RPS6KC1: variants seen among roughly 807,000 people sequenced by gnomAD.
The protein encoded by RPS6KC1 is inactive ribosomal protein S6 kinase delta-1.
A neutral mutation model predicts 103.8 loss-of-function variants in RPS6KC1; 54 were observed. The ratio of observed to expected loss-of-function variants is 0.52; its 90% CI spans 0.42 to 0.65. The LOEUF is 0.65. Among genes scored for constraint, RPS6KC1 ranks in the 30% least tolerant of loss-of-function variants. The pLI is 0.00. For synonymous variants in RPS6KC1, 439 were observed against 438.7 expected (o/e 1.00, Z -0.01); for missense variants, 1,151 against 1,253.8 (o/e 0.92, Z 1.24).
the RPS6KC1 span, among the ~76,000 whole-genome samples, chr1:213,690,318 G>A: frequency 1.3e-5 from 2 of 152,146 alleles, no homozygotes; most frequent in African/African-American, 2.4e-5. Context: ...TCTACCTAGC[G>A]GGCCATTTTC....
chr1:213,391,138 T>A, the RPS6KC1 span, among the ~76,000 whole-genome samples: 9 of 152,236 alleles, frequency 5.9e-5, no homozygotes, highest in African/African-American at 2.2e-4. Context: ...CTGTTTGCAG[T>A]CTAGGAGTAA....
chr1:213,098,348 C>G (rs890549160), intron 3 of RPS6KC1, among the ~76,000 whole-genome samples: 33 of 140,654 alleles, frequency 2.3e-4, no homozygotes, highest in African/African-American at 6.7e-4. Context: ...CACCATGTTA[C>G]TTAGGCTGGT....
chr1:213,585,634 G>A, the RPS6KC1 span, among the ~76,000 whole-genome samples: 27 of 152,134 alleles, frequency 1.8e-4, no homozygotes, highest in African/African-American at 6.3e-4. Context: ...TCCCAGCTCT[G>A]CCTCAATCCC....
chr1:213,158,682 T>C (rs2090165856), intron 6 of RPS6KC1, among the ~76,000 whole-genome samples: 1 of 152,154 alleles, frequency 6.6e-6, no homozygotes, highest in Admixed American at 6.5e-5. Flanking sequence ...TTTTTTAAAC[T>C]TTTTTTGAAA....
chr1:213,318,229 G>A, the RPS6KC1 span, among the ~76,000 whole-genome samples: 4 of 152,220 alleles, frequency 2.6e-5, no homozygotes, highest in Admixed American at 2.6e-4. Flanking sequence ...CCCCTGGATT[G>A]TTTTATCTTA....
intron 9 of RPS6KC1, 131 bp from the exon 10 acceptor site, chr1:213,231,992 A>C: frequency 9.0e-7 from 1 of 1,114,144 alleles, no homozygotes; most frequent in Non-Finnish European, 1.3e-6. Flanking sequence ...AGAGCAGCAG[A>C]TGAGTGGTTT....
chr1:213,732,559 T>C, the RPS6KC1 span, among the ~76,000 whole-genome samples: 437 of 152,266 alleles, frequency 2.9e-3, 3 homozygotes, highest in Non-Finnish European at 4.2e-3. Flanking sequence ...ATTTGACAAA[T>C]TAATTAACTT....
At chr1:213,428,519 T>TTCCTTCCTTCCTTCCTTCCTTC in the RPS6KC1 span, among the ~76,000 whole-genome samples, 1 of 51,578 alleles carries the variant, frequency 1.9e-5, no homozygotes, top group Admixed American at 2.7e-4. Context: ...CCTTCCTTCC[T>TTCCTTCCTTCCTTCCTTCCTTC]CTTTCTCTCT....
intron 9 of RPS6KC1, among the ~76,000 whole-genome samples, chr1:213,230,760 A>T (rs765387703): frequency 6.7e-6 from 1 of 150,180 alleles, no homozygotes; most frequent in Non-Finnish European, 1.5e-5. Flanking sequence ...GCTTGAACCC[A>T]GGAGGCAGAG....
chr1:213,590,101 T>C, the RPS6KC1 span, among the ~76,000 whole-genome samples: 5 of 152,174 alleles, frequency 3.3e-5, no homozygotes, highest in African/African-American at 1.2e-4. Context: ...ATATTACTTA[T>C]GTTAACCAAT....
the RPS6KC1 span, among the ~76,000 whole-genome samples, chr1:213,670,030 C>T: frequency 1.3e-5 from 2 of 152,084 alleles, no homozygotes; most frequent in Admixed American, 1.3e-4. Context: ...CTCTGCAGTC[C>T]CAAATTGCTC....
intron 8 of RPS6KC1, among the ~76,000 whole-genome samples, chr1:213,193,101 T>A (rs978971622): frequency 6.6e-6 from 1 of 151,996 alleles, no homozygotes; most frequent in African/African-American, 2.4e-5. Flanking sequence ...GTTTTGAGAC[T>A]TGTTTTGTGA....
At chr1:213,641,477 A>G in the RPS6KC1 span, among the ~76,000 whole-genome samples, 1 of 152,080 alleles carries the variant, frequency 6.6e-6, no homozygotes, top group Non-Finnish European at 1.5e-5. Context: ...TTGTGGTTAC[A>G]ATGTCAGTTC....
intron 2 of RPS6KC1, among the ~76,000 whole-genome samples, chr1:213,074,088 A>G (rs1394765729): frequency 6.6e-6 from 1 of 152,240 alleles, no homozygotes; most frequent in Non-Finnish European, 1.5e-5. Flanking sequence ...AGAAGAGATA[A>G]TCCAGCAAAT....
the RPS6KC1 span, among the ~76,000 whole-genome samples, chr1:213,485,178 T>C: frequency 9.2e-5 from 14 of 152,154 alleles, no homozygotes; most frequent in Non-Finnish European, 2.1e-4. Context: ...AGGGAATATT[T>C]TCAAACCAGA....
chr1:213,171,060 A>T (rs1051202043), intron 7 of RPS6KC1, among the ~76,000 whole-genome samples: 1 of 152,198 alleles, frequency 6.6e-6, no homozygotes, highest in Non-Finnish European at 1.5e-5. Flanking sequence ...CCTTTGGTAC[A>T]GTCTATCATG....
the RPS6KC1 span, among the ~76,000 whole-genome samples, chr1:213,670,088 G>T: frequency 6.6e-6 from 1 of 152,206 alleles, no homozygotes; most frequent in Non-Finnish European, 1.5e-5. Context: ...AAATGAAGCA[G>T]GTATTATGCA....
the RPS6KC1 span, among the ~76,000 whole-genome samples, chr1:213,619,454 C>T: frequency 2.6e-5 from 4 of 152,174 alleles, no homozygotes; most frequent in African/African-American, 7.2e-5. Context: ...TATTAAAATC[C>T]ACACACACCA....
the RPS6KC1 span, among the ~76,000 whole-genome samples, chr1:213,426,443 G>A: frequency 2.0e-5 from 3 of 152,174 alleles, no homozygotes; most frequent in Non-Finnish European, 4.4e-5. Flanking sequence ...GCAGACTCAA[G>A]TGAGTTTTTG....
Sources: allele counts gnomAD v4.1 joint callset (sites outside exome capture counted in the v4.1 genomes callset), GRCh38; gene constraint gnomAD v4.1.1; transcripts MANE v1.5; gene names NCBI Gene and HGNC (gene_info 2026-07-23, HGNC 2026-07-21).